The following SNX15 variants were observed in gnomAD, a reference collection of about 807,000 sequenced individuals.
SNX15 encodes the protein sorting nexin 15.
SNX15 carries 29 observed loss-of-function variants against 35.2 expected under a neutral mutation model. The observed-to-expected ratio is 0.82, with a 90% CI of 0.61 to 1.12. SNX15 has a LOEUF of 1.12. Ranked by LOEUF, SNX15 falls within the 50% of genes most tolerant of loss-of-function variation. SNX15 has a pLI of 0.00. For synonymous variants in SNX15, 189 were observed against 188.2 expected (o/e 1.00, Z -0.03); for missense variants, 400 against 451.5 (o/e 0.89, Z 1.03).
intron 3 of SNX15, 110 bp downstream of exon 3, chr11:65,032,661 C>A: frequency 1.4e-6 from 2 of 1,387,726 alleles, no homozygotes; most frequent in South Asian, 1.2e-5. Flanking sequence ...TGGGCAGAGT[C>A]ATGTTTGGAA....
chr11:65,035,770 G>A, intron 6 of SNX15, 107 bp downstream of exon 6: 1 of 1,233,234 alleles, frequency 8.1e-7, no homozygotes, highest in Non-Finnish European at 1.1e-6. Flanking sequence ...ATCAGGGAGA[G>A]ACGTCTCCTC....
intron 2 of SNX15, 35 bp downstream of exon 2, chr11:65,032,238 A>G (rs1946447377): frequency 6.2e-7 from 1 of 1,609,258 alleles, no homozygotes; most frequent in Non-Finnish European, 8.5e-7. Context: ...ACTGTTCTGC[A>G]GTTCCAGATC....
chr11:65,033,938 C>T (rs1946470371), intron 3 of SNX15, among the ~76,000 whole-genome samples: 2 of 151,778 alleles, frequency 1.3e-5, no homozygotes, highest in Non-Finnish European at 2.9e-5. Flanking sequence ...GAACTCCTAA[C>T]CTCAAGTGAT....
At chr11:65,028,755 G>A (rs1014304770) in intron 1 of SNX15, among the ~76,000 whole-genome samples, 1 of 151,364 alleles carries the variant, frequency 6.6e-6, no homozygotes, top group Admixed American at 6.6e-5. Context: ...GGTGGGGCTG[G>A]GGTGGGGAGG....
At chr11:65,028,258 C>T (rs1032107011) in intron 1 of SNX15, among the ~76,000 whole-genome samples, 1 of 152,122 alleles carries the variant, frequency 6.6e-6, no homozygotes, top group Non-Finnish European at 1.5e-5. Flanking sequence ...TAAAACAGGA[C>T]ACCTGTAGAA....
chr11:65,030,517 T>C (rs975516575), intron 1 of SNX15, among the ~76,000 whole-genome samples: 3 of 149,434 alleles, frequency 2.0e-5, no homozygotes, highest in Non-Finnish European at 3.0e-5. Flanking sequence ...TTTTTTTTTT[T>C]GAGATGGAGT....
rs182848093 is a variant in SNX15, at chr11:65,028,875, C to T, written c.99+1239C>T. Among the ~76,000 whole-genome samples, 1,327 of 151,692 alleles carry T rather than the reference C, an allele frequency of 8.7e-3. 28 individuals carry two copies. Among genetic ancestry groups the T allele is most frequent in the African/African-American group, 0.031 (1,270 of 41,380 alleles). ...TTGGGAGGCCGAGGCGGGCGGATCA[C>T]GAGGTCAGGAGATCGAGACCATCCT... On this transcript the variant is annotated intron_variant, in intron 1 of 7. Coordinates refer to ENST00000377244, the MANE Select transcript of SNX15 (RefSeq NM_013306.5).
chr11:65,035,247 CAGAGTGGG>C, intron 5 of SNX15, 41 bp downstream of exon 5: 1 of 1,509,776 alleles, frequency 6.6e-7, no homozygotes, highest in Non-Finnish European at 8.8e-7. Context: ...CTGGAGGGTG[CAGAGTGGG>C]GAGGGCGGCC....
intron 1 of SNX15, among the ~76,000 whole-genome samples, chr11:65,031,701 C>T (rs1946441259): frequency 6.6e-6 from 1 of 152,136 alleles, no homozygotes; most frequent in African/African-American, 2.4e-5. Flanking sequence ...GTCATGAGTT[C>T]CAGACCAGCT....
At chr11:65,032,776 G>A (rs573021910) in intron 3 of SNX15, among the ~76,000 whole-genome samples, 4 of 152,280 alleles carry the variant, frequency 2.6e-5, no homozygotes, top group African/African-American at 7.2e-5. Flanking sequence ...TGGGCCAGGC[G>A]TGTGGCTCAC....
chr11:65,038,118 TC>T (rs1161080811), intron 6 of SNX15: 1 of 253,758 alleles, frequency 3.9e-6, no homozygotes, highest in East Asian at 1.8e-4. Context: ...TTTGGGGGCC[TC>T]AGCTGAAACT....
chr11:65,032,099 G>T, intron 1 of SNX15, 69 bp from the exon 2 acceptor site: 1 of 1,503,856 alleles, frequency 6.6e-7, no homozygotes, highest in South Asian at 1.1e-5. Context: ...GGCACCTGGG[G>T]CATTACAGGG....
intron 3 of SNX15, among the ~76,000 whole-genome samples, chr11:65,033,957 CT>C (rs1425699284): frequency 6.6e-6 from 1 of 152,100 alleles, no homozygotes; most frequent in Non-Finnish European, 1.5e-5. Flanking sequence ...ATCCACCTGC[CT>C]CGGCCTCCTA....
chr11:65,039,029 C>CTTTTTTTTTTT lies in SNX15; in HGVS notation c.922+209_922+219dup, dbSNP rs747153458. 1.0e-3 allele frequency among the ~76,000 whole-genome samples: 76 copies of CTTTTTTTTTTT among 72,492 alleles called. 17 individuals carry two copies. The highest frequency in any genetic ancestry group is 2.2e-3 in the Admixed American group (13 of 6,002). 47.6% of individuals were successfully genotyped at this position (72,492 alleles called of 152,430 possible). On this transcript the variant is annotated intron_variant, in intron 7 of 7. Coordinates refer to ENST00000377244, the MANE Select transcript of SNX15 (RefSeq NM_013306.5). ...TTGTGGCCTCAGTTTTCTTCTTCCT[C>CTTTTTTTTTTT]TTTTTTTTTTTTTTTTTTTGAGACA...
intron 6 of SNX15, chr11:65,038,113 G>A: frequency 4.8e-6 from 1 of 210,342 alleles, no homozygotes; most frequent in Non-Finnish European, 8.3e-6. Flanking sequence ...TTACATTTGG[G>A]GGCCTCAGCT....
chr11:65,039,459 T>G (rs908324282), intron 7 of SNX15, among the ~76,000 whole-genome samples: 5 of 152,100 alleles, frequency 3.3e-5, no homozygotes, highest in Admixed American at 6.6e-5. Flanking sequence ...CCTGACCTCG[T>G]GATCCACCCA....
intron 1 of SNX15, among the ~76,000 whole-genome samples, chr11:65,028,146 G>A (rs1486363711): frequency 1.3e-5 from 2 of 152,202 alleles, no homozygotes; most frequent in African/African-American, 2.4e-5. Flanking sequence ...ACAGCAGGAA[G>A]ATAGATAGGC....
chr11:65,039,444 G>A (rs12280476), intron 7 of SNX15, among the ~76,000 whole-genome samples: 2,877 of 151,900 alleles, frequency 0.019, 98 homozygotes, highest in African/African-American at 0.065. Flanking sequence ...GGCTGGTCTC[G>A]AACCCCTGAC....
chr11:65,037,754 GT>G (rs1946520224), intron 6 of SNX15: 1 of 152,152 alleles, frequency 6.6e-6, no homozygotes, highest in Admixed American at 6.5e-5. Context: ...GGTGTCCCAG[GT>G]ACTCTTCTGC....
Sources: gnomAD v4.1 joint callset for allele counts (sites outside exome capture counted in the v4.1 genomes callset) on GRCh38, gnomAD v4.1.1 for gene constraint, MANE v1.5 for transcripts, NCBI Gene and HGNC (gene_info 2026-07-23, HGNC 2026-07-21) for gene names.